GRID2: variants seen among roughly 807,000 people sequenced by gnomAD.
GRID2 encodes glutamate receptor ionotropic, delta-2.
In GRID2, 33 loss-of-function variants were observed where a neutral mutation model predicts 114.8. The observed-to-expected ratio is 0.29, with a 90% CI of 0.22 to 0.38. The LOEUF is 0.38. GRID2 is among the 10% of genes least tolerant of loss of function. GRID2 has a pLI of 1.00. For missense variants in GRID2, 1,184 were observed against 1,257.7 expected (o/e 0.94, Z 0.89); for synonymous variants, 505 against 449.9 (o/e 1.12, Z -1.55).
In GRID2 at chr4:92,874,350, T is replaced by G; in HGVS notation, c.245-210645T>G. Among the ~76,000 whole-genome samples, 2 of 152,312 alleles carry G rather than the reference T, an allele frequency of 1.3e-5. 1 individual carries two copies. Among genetic ancestry groups the G allele is most frequent in the South Asian group, 4.1e-4 (2 of 4,832 alleles). ...TTCAAAATAAAATGAAAGATTAAATTAACTTTATTAAAATGAAATGATTCG... is the reference window on the plus strand; with the variant it reads ...TTCAAAATAAAATGAAAGATTAAATGAACTTTATTAAAATGAAATGATTCG... On this transcript the variant is annotated intron_variant, in intron 2 of 15. Transcript: ENST00000282020.
intron 2 of GRID2, among the ~76,000 whole-genome samples, chr4:92,807,991 G>A (rs74649117): frequency 0.031 from 4,713 of 152,010 alleles, 126 homozygotes; most frequent in East Asian, 0.12. Flanking sequence ...TAATTAAATT[G>A]AGGATTTTGA....
chr4:92,989,276 CA>C (rs1182397768), intron 2 of GRID2, among the ~76,000 whole-genome samples: 2,328 of 74,212 alleles, frequency 0.031, 74 homozygotes, highest in East Asian at 0.096. Context: ...GACTCCATCT[CA>C]AAAAAAAAAA....
rs544523039 is a variant in GRID2 at position 92,780,006 on chromosome 4, TAGAG to T, written c.244+189724_244+189727del. Among the ~76,000 whole-genome samples, 59 of 152,164 alleles carry T rather than the reference TAGAG, an allele frequency of 3.9e-4. 1 individual carries two copies. Among genetic ancestry groups the T allele is most frequent in the South Asian group, 2.9e-3 (14 of 4,828 alleles). On this transcript the variant is annotated intron_variant, in intron 2 of 15. Transcript: ENST00000282020. ...TTGGCATTTGCCTCAAGAAAGTTAA[TAGAG>T]AGAAATGAAAAAATATCAACTTAAT...
At chr4:92,917,915 G>A (rs1483999358) in intron 2 of GRID2, among the ~76,000 whole-genome samples, 5 of 152,108 alleles carry the variant, frequency 3.3e-5, no homozygotes, top group Non-Finnish European at 5.9e-5. Context: ...AATGGGGATG[G>A]CATTGAAACT....
chr4:93,172,518 G>T (rs988198931), intron 4 of GRID2, among the ~76,000 whole-genome samples: 1 of 151,934 alleles, frequency 6.6e-6, no homozygotes, highest in Non-Finnish European at 1.5e-5. Context: ...CTTGAACCTG[G>T]GAGGCACAGG....
At chr4:93,076,777 C>G (rs975935979) in intron 2 of GRID2, among the ~76,000 whole-genome samples, 7 of 151,922 alleles carry the variant, frequency 4.6e-5, no homozygotes, top group Non-Finnish European at 8.8e-5. Flanking sequence ...GCTACCATTC[C>G]CGGCTAATTT....
chr4:92,841,022 G>A (rs1167544538), intron 2 of GRID2, among the ~76,000 whole-genome samples: 3 of 151,994 alleles, frequency 2.0e-5, no homozygotes, highest in Non-Finnish European at 4.4e-5. Flanking sequence ...TTGATTCCAA[G>A]ATCTGCTCTG....
chr4:92,942,376 A>G (rs1278580598), intron 2 of GRID2, among the ~76,000 whole-genome samples: 2 of 152,128 alleles, frequency 1.3e-5, no homozygotes, highest in Admixed American at 6.5e-5. Flanking sequence ...GTTTTATCAG[A>G]GACTAGGATT....
At chr4:92,488,878 T>C (rs1483231156) in intron 1 of GRID2, among the ~76,000 whole-genome samples, 1 of 152,118 alleles carries the variant, frequency 6.6e-6, no homozygotes, top group Non-Finnish European at 1.5e-5. Context: ...CTGAGAAAAC[T>C]CTACTCAAGG....
At chr4:93,771,719 G>A (rs1286924292) in intron 15 of GRID2, among the ~76,000 whole-genome samples, 4 of 152,116 alleles carry the variant, frequency 2.6e-5, no homozygotes, top group African/African-American at 7.2e-5. Context: ...AAGAAGAGGT[G>A]GGGGGTAGAG....
chr4:92,412,381 AT>A (rs1037903299), intron 1 of GRID2, among the ~76,000 whole-genome samples: 59 of 150,138 alleles, frequency 3.9e-4, no homozygotes, highest in East Asian at 2.9e-3. Context: ...ATCTTTGAAT[AT>A]TTTTTTTTTC....
intron 2 of GRID2, among the ~76,000 whole-genome samples, chr4:92,821,288 T>C (rs942971225): frequency 6.6e-6 from 1 of 152,108 alleles, no homozygotes; most frequent in African/African-American, 2.4e-5. Flanking sequence ...AAAATTAGGA[T>C]GGTCAGCGCC....
intron 1 of GRID2, among the ~76,000 whole-genome samples, chr4:93,792,185 G>T (rs962889854): frequency 6.6e-6 from 1 of 152,100 alleles, no homozygotes; most frequent in Non-Finnish European, 1.5e-5. Flanking sequence ...CCAACCTGCT[G>T]CCCAAATCAT....
At chr4:92,498,949 G>A (rs1240203774) in intron 1 of GRID2, among the ~76,000 whole-genome samples, 4 of 145,784 alleles carry the variant, frequency 2.7e-5, no homozygotes, top group Non-Finnish European at 6.0e-5. Flanking sequence ...AAAAAAACAA[G>A]TTAGAAGAAC....
chr4:92,933,811 A>T (rs991804728), intron 2 of GRID2, among the ~76,000 whole-genome samples: 1 of 151,638 alleles, frequency 6.6e-6, no homozygotes, highest in South Asian at 2.1e-4. Flanking sequence ...TAATTATTTT[A>T]TCTTTGATTA....
In GRID2 at chr4:93,532,862, C is replaced by G. The variant is rs531610246; in HGVS notation, c.2193+17451C>G. Reference sequence around the variant, plus strand: ...AAAAGACTCAAATCTCATTTTCTAACCCTGCACTCCTAACAACATTTCACA... The same window carrying G: ...AAAAGACTCAAATCTCATTTTCTAAGCCTGCACTCCTAACAACATTTCACA... On this transcript the variant is annotated intron_variant, in intron 13 of 15. Coordinates refer to ENST00000282020, the MANE Select transcript of GRID2 (RefSeq NM_001510.4). 4.6e-5 allele frequency among the ~76,000 whole-genome samples: 7 copies of G among 152,214 alleles called. No homozygotes were observed. The South Asian group carries it at 1.5e-3, about 32-fold the overall frequency.
In GRID2 at chr4:93,773,375, C is replaced by T. The variant is rs1333770702; in HGVS notation, c.*877C>T. The T allele has an allele frequency of 2.0e-5, 3 of 152,048 alleles. No individual in the cohort carries two copies. The highest frequency in any genetic ancestry group is 6.6e-5 in the Admixed American group (1 of 15,256). The allele number at this position is 152,048 out of a possible 1,614,324, so 9.4% of individuals were successfully genotyped here. A position where few individuals can be genotyped will look rare whatever the true frequency, so the allele number is the denominator to read the frequency against. ...AGGGGTTCTTTTCAGTTAGAAAAGG[C>T]AGGTTGCTTTAATGTTATTCTGACT... On this transcript the variant is annotated 3_prime_UTR_variant, in exon 16 of 16. Coordinates refer to ENST00000282020, the MANE Select transcript of GRID2 (RefSeq NM_001510.4).
At chr4:93,707,159 G>A (rs909855523) in intron 14 of GRID2, among the ~76,000 whole-genome samples, 2 of 152,158 alleles carry the variant, frequency 1.3e-5, no homozygotes, top group Admixed American at 6.5e-5. Flanking sequence ...TTGGCCAGTA[G>A]TTTTCCCTTT....
chr4:93,377,814 T>G (rs1763506985), intron 8 of GRID2, among the ~76,000 whole-genome samples: 1 of 152,032 alleles, frequency 6.6e-6, no homozygotes, highest in Admixed American at 6.6e-5. Flanking sequence ...AGTTTTTACT[T>G]TACTTGCTAC....
Sources: allele counts gnomAD v4.1 joint callset (sites outside exome capture counted in the v4.1 genomes callset), GRCh38; gene constraint gnomAD v4.1.1; transcripts MANE v1.5; gene names NCBI Gene and HGNC (gene_info 2026-07-23, HGNC 2026-07-21).